Variants in CSAD observed in about 807,000 individuals in gnomAD.
CSAD encodes the protein P-selectin cytoplasmic tail-associated protein.
In CSAD, 47 loss-of-function variants were observed where a neutral mutation model predicts 61.5. That is an observed-to-expected ratio of 0.76 (90% CI 0.60 to 0.97). CSAD has a LOEUF of 0.97. CSAD is among the 50% of genes least tolerant of loss of function. The pLI is 0.00. For missense variants in CSAD, 611 were observed against 643.6 expected (o/e 0.95, Z 0.55); for synonymous variants, 245 against 252.7 (o/e 0.97, Z 0.29).
chr12:53,176,331 A>G (rs943351889), intron 2 of CSAD, among the ~76,000 whole-genome samples: 4 of 151,726 alleles, frequency 2.6e-5, no homozygotes, highest in Admixed American at 2.6e-4. Flanking sequence ...AATCGCTTGA[A>G]CCCGGGAGGC....
At chr12:53,160,642 T>C in intron 13 of CSAD, 121 bp downstream of exon 13, 1 of 879,834 alleles carries the variant, frequency 1.1e-6, no homozygotes, top group Non-Finnish European at 1.8e-6. Context: ...GTAGCTGAGA[T>C]GCAGCTTCAG....
chr12:53,171,955 G>C lies in CSAD; in HGVS notation c.378C>G (p.Leu126=), dbSNP rs772676295. 6.2e-7 allele frequency: 1 copy of C among 1,614,016 alleles called. No homozygotes were observed. Among genetic ancestry groups the C allele is most frequent in the South Asian group, 1.1e-5 (1 of 91,068 alleles). Residue 126 remains leucine, a synonymous_variant, in exon 7 of 17, where the codon CTC becomes CTG. Coordinates refer to ENST00000444623, the MANE Select transcript of CSAD (RefSeq NM_001244705.2). ...GTTTCCTCAGCACCTCCTCTTCCATGAGCACAAACACGGGGGCGATTTCAT... is the reference window on the plus strand; with the variant it reads ...GTTTCCTCAGCACCTCCTCTTCCATCAGCACAAACACGGGGGCGATTTCAT... The part of the protein sequence containing the change: ...YTYEIAPVFV[L]MEEEVLRKLR...
intron 13 of CSAD, 79 bp downstream of exon 13, chr12:53,160,684 G>A (rs1939175442): frequency 1.6e-6 from 2 of 1,260,408 alleles, no homozygotes; most frequent in East Asian, 5.0e-5. Context: ...AGAAAGGCCT[G>A]AACTTTATCT....
At chr12:53,159,987 C>A (rs763385750) in intron 14 of CSAD, 49 bp from the exon 15 acceptor site, 4 of 1,601,914 alleles carry the variant, frequency 2.5e-6, no homozygotes, top group Middle Eastern at 1.7e-4. Flanking sequence ...AAGCAGAGAT[C>A]CAGACAGAAG....
At position 53,157,998 on chromosome 12, in the gene CSAD, T is replaced by G. The variant is rs1938749258; in HGVS notation, c.*513A>C. ...AAAATTATCTTTGTAAACAAAATTT[T>G]AATGGCAAAATAACATTTCATCATA... On this transcript the variant is annotated 3_prime_UTR_variant, in exon 17 of 17. Coordinates refer to ENST00000444623, the MANE Select transcript of CSAD (RefSeq NM_001244705.2). 1 of 152,218 alleles carries G rather than the reference T, an allele frequency of 6.6e-6. No individual in the cohort carries two copies. Among genetic ancestry groups the G allele is most frequent in the Non-Finnish European group, 1.5e-5 (1 of 68,066 alleles). 9.4% of individuals were successfully genotyped at this position (152,218 alleles called of 1,614,324 possible). A position where few individuals can be genotyped will look rare whatever the true frequency, so the allele number is the denominator to read the frequency against.
At chr12:53,160,020 AGAGAGACC>A in intron 14 of CSAD, 82 bp from the exon 15 acceptor site, 1 of 1,597,964 alleles carries the variant, frequency 6.3e-7, no homozygotes, top group Non-Finnish European at 8.6e-7. Context: ...AATGAGCCAC[AGAGAGACC>A]GAGAGAAAAG....
Position 53,180,803 on chromosome 12 carries a change from C to A in CSAD, c.-162G>T. 1.6e-6 allele frequency: 2 copies of A among 1,271,488 alleles called. No homozygotes were observed. The highest frequency in any genetic ancestry group is 2.5e-4 in the Middle Eastern group (1 of 4,072). The allele number at this position is 1,271,488 out of a possible 1,614,324, so 78.8% of individuals were successfully genotyped here. On this transcript the variant is annotated 5_prime_UTR_variant, in exon 1 of 17. Coordinates refer to ENST00000444623, the MANE Select transcript of CSAD (RefSeq NM_001244705.2). ...GCTGGGGCCTGGAGGAGGCGCCGCGCGGCCAGGGAGCCAGCGGGAGGCCGC... is the reference window on the plus strand; with the variant it reads ...GCTGGGGCCTGGAGGAGGCGCCGCGAGGCCAGGGAGCCAGCGGGAGGCCGC...
At chr12:53,159,513 C>T (rs1240386657) in intron 16 of CSAD, 110 bp downstream of exon 16, 4 of 856,800 alleles carry the variant, frequency 4.7e-6, no homozygotes, top group Non-Finnish European at 7.5e-6. Flanking sequence ...CGCCTCAGAG[C>T]AAGAGACCAG....
In CSAD at chr12:53,180,743, T is replaced by G; in HGVS notation, c.-102A>C. The G allele has an allele frequency of 7.9e-7, 1 of 1,264,428 alleles. No individual in the cohort carries two copies. The highest frequency in any genetic ancestry group is 1.0e-6 in the Non-Finnish European group (1 of 977,006). 78.3% of individuals were successfully genotyped at this position (1,264,428 alleles called of 1,614,324 possible). Reference sequence around the variant, plus strand: ...GTTTGTAAACTTGCCTCGGTCCCGGTGGGGGCAGCCGCGGCGGTGGGGTTG... The same window carrying G: ...GTTTGTAAACTTGCCTCGGTCCCGGGGGGGGCAGCCGCGGCGGTGGGGTTG... On this transcript the variant is annotated 5_prime_UTR_variant, in exon 1 of 17. Coordinates refer to ENST00000444623, the MANE Select transcript of CSAD (RefSeq NM_001244705.2).
In CSAD at chr12:53,160,339, T is replaced by G. The variant is rs372926885; in HGVS notation, c.967-20A>C. On this transcript the variant is annotated intron_variant, in intron 13 of 16. Transcript: ENST00000444623. ...CAGGTTCTGTGTGGGGGTGAGGAGATTGTCAGACCCTACCCTCTCCACCGA... is the reference window on the plus strand; with the variant it reads ...CAGGTTCTGTGTGGGGGTGAGGAGAGTGTCAGACCCTACCCTCTCCACCGA... 6.2e-7 allele frequency: 1 copy of G among 1,612,474 alleles called. No individual in the cohort carries two copies. Among genetic ancestry groups the G allele is most frequent in the Middle Eastern group, 1.7e-4 (1 of 6,060 alleles).
chr12:53,179,943 A>AT (rs1941438425), intron 1 of CSAD: 1 of 1,579,044 alleles, frequency 6.3e-7, no homozygotes, highest in South Asian at 1.1e-5. Context: ...CAGGACTCCC[A>AT]TAAGACTAGT....
chr12:53,170,334 G>T, intron 9 of CSAD, 89 bp downstream of exon 9: 1 of 1,218,694 alleles, frequency 8.2e-7, no homozygotes, highest in Non-Finnish European at 1.2e-6. Flanking sequence ...GTCCACCAGC[G>T]GTAAGGGTCT....
rs565221447 is a variant in CSAD, at chr12:53,159,948, G to T, written c.1167-10C>A. 12 of 1,605,124 alleles carry T rather than the reference G, an allele frequency of 7.5e-6. No individual in the cohort carries two copies. The African/African-American group carries it at 1.4e-4, about 18-fold the overall frequency. ...TTCCTCCACCAGGTACCTGTGAACAGAGAGTGAGAAACCATAGGCGGGGAG... is the reference window on the plus strand; with the variant it reads ...TTCCTCCACCAGGTACCTGTGAACATAGAGTGAGAAACCATAGGCGGGGAG... On this transcript the variant is annotated splice_polypyrimidine_tract_variant and intron_variant, in intron 14 of 16. Transcript: ENST00000444623.
Position 53,172,509 on chromosome 12 carries a change from A to G in CSAD, c.253+13T>C. 1 of 1,614,066 alleles carries G rather than the reference A, an allele frequency of 6.2e-7. No individual in the cohort carries two copies. Among genetic ancestry groups the G allele is most frequent in the Non-Finnish European group, 8.5e-7 (1 of 1,180,004 alleles). ...AACTCCCAAGTCTCCTCCTCACAGA[A>G]GCCAGGGCCCACCAGTCTTGACACT... On this transcript the variant is annotated intron_variant, in intron 5 of 16. Transcript: ENST00000444623.
intron 14 of CSAD, 25 bp downstream of exon 14, chr12:53,160,095 C>T (rs751611163): frequency 8.1e-6 from 13 of 1,610,750 alleles, no homozygotes; most frequent in East Asian, 2.2e-5. Flanking sequence ...GGAACAGGGA[C>T]GACCCCCCAC....
intron 12 of CSAD, 98 bp downstream of exon 12, chr12:53,161,029 G>A (rs913762256): frequency 2.3e-6 from 3 of 1,307,498 alleles, no homozygotes; most frequent in Non-Finnish European, 3.2e-6. Flanking sequence ...CCTCCCCTCA[G>A]CCTCCTACCC....
rs1333419887 is a variant in CSAD at position 53,158,290 on chromosome 12, C to G, written c.*221G>C. On this transcript the variant is annotated 3_prime_UTR_variant, in exon 17 of 17. Transcript: ENST00000444623. ...AGCTGGGTTTACAGGCACAGGCCAC[C>G]ATGCTCGGCTAATTTTTGTATTTTT... 1 of 379,026 alleles carries G rather than the reference C, an allele frequency of 2.6e-6. No homozygotes were observed. The highest frequency in any genetic ancestry group is 4.8e-6 in the Non-Finnish European group (1 of 206,220). 23.5% of individuals were successfully genotyped at this position (379,026 alleles called of 1,614,324 possible).
At chr12:53,172,110 A>C in intron 6 of CSAD, 122 bp from the exon 7 acceptor site, 1 of 752,186 alleles carries the variant, frequency 1.3e-6, no homozygotes, top group East Asian at 2.7e-5. Flanking sequence ...CAGTCCAAGG[A>C]GAAGAACGAG....
upstream of CSAD, chr12:53,181,168 G>A: frequency 1.3e-5 from 13 of 985,164 alleles, no homozygotes; most frequent in Non-Finnish European, 1.6e-5. Flanking sequence ...CGAGGCGGGC[G>A]ACACGCCGCG....
Sources: allele counts gnomAD v4.1 joint callset (sites outside exome capture counted in the v4.1 genomes callset), GRCh38; gene constraint gnomAD v4.1.1; transcripts MANE v1.5; gene names NCBI Gene and HGNC (gene_info 2026-07-23, HGNC 2026-07-21).